L3MBTL4: variants seen among roughly 807,000 people sequenced by gnomAD.
L3MBTL4 encodes the protein L3MBTL histone methyl-lysine binding protein 4.
A neutral mutation model predicts 84.5 loss-of-function variants in L3MBTL4; 70 were observed. The ratio of observed to expected loss-of-function variants is 0.83; its 90% CI spans 0.68 to 1.01. The LOEUF (loss-of-function observed/expected upper bound fraction) is 1.01. L3MBTL4 is among the 50% of genes least tolerant of loss of function. L3MBTL4 has a pLI of 0.00. For missense variants in L3MBTL4, 715 were observed against 754.8 expected (o/e 0.95, Z 0.62); for synonymous variants, 274 against 259.8 (o/e 1.05, Z -0.52).
chr18:6,015,631 A>G (rs1490860066), intron 16 of L3MBTL4, among the ~76,000 whole-genome samples: 2 of 152,188 alleles, frequency 1.3e-5, no homozygotes, highest in Non-Finnish European at 2.9e-5. Flanking sequence ...AAAGAAATAA[A>G]CTATGGTGCT....
chr18:6,364,549 G>T (rs1009155532), intron 1 of L3MBTL4, among the ~76,000 whole-genome samples: 1 of 151,878 alleles, frequency 6.6e-6, no homozygotes, highest in Admixed American at 6.6e-5. Flanking sequence ...TGTTACCTCC[G>T]AAGTAAAAGA....
intron 18 of L3MBTL4, among the ~76,000 whole-genome samples, chr18:5,957,044 A>G (rs2095231250): frequency 6.6e-6 from 1 of 152,262 alleles, no homozygotes; most frequent in East Asian, 1.9e-4. Flanking sequence ...AAGTCTTTAC[A>G]CCAAATGTTA....
intron 16 of L3MBTL4, among the ~76,000 whole-genome samples, chr18:6,044,738 CA>C (rs1451568292): frequency 6.6e-6 from 1 of 152,078 alleles, no homozygotes; most frequent in Non-Finnish European, 1.5e-5. Context: ...GAATAAGCAC[CA>C]TGAAGCCTAG....
chr18:6,105,650 A>T lies in L3MBTL4; in HGVS notation c.1200-12122T>A, dbSNP rs552617606. Among the ~76,000 whole-genome samples, 381 of 151,976 alleles carry T rather than the reference A, an allele frequency of 2.5e-3. 1 individual carries two copies. Among genetic ancestry groups the T allele is most frequent in the African/African-American group, 8.7e-3 (363 of 41,526 alleles). On this transcript the variant is annotated intron_variant, in intron 14 of 18. Coordinates refer to ENST00000317931, the MANE Select transcript of L3MBTL4 (RefSeq NM_001330559.2). ...CCCGTCTCTACTAAAAATACAAAAA[A>T]TTAGCCAGGAGTGATGGCGGGTGCC...
At chr18:6,238,071 G>T (rs375519233) in intron 9 of L3MBTL4, 31 bp from the exon 10 acceptor site, 1 of 1,580,968 alleles carries the variant, frequency 6.3e-7, no homozygotes, top group Admixed American at 1.7e-5. Context: ...ATTACGTTCC[G>T]TTTTACTTCA....
At chr18:6,025,351 C>T (rs1458641675) in intron 16 of L3MBTL4, 3 of 152,208 alleles carry the variant, frequency 2.0e-5, no homozygotes, top group African/African-American at 7.2e-5. Flanking sequence ...ATCCACTGGC[C>T]CCAAACCCCA....
At chr18:6,211,265 T>A (rs1336026696) in intron 12 of L3MBTL4, among the ~76,000 whole-genome samples, 1 of 152,206 alleles carries the variant, frequency 6.6e-6, no homozygotes, top group Admixed American at 6.5e-5. Flanking sequence ...TATTTCTACA[T>A]ATTCAGACAA....
chr18:6,046,488 T>A (rs566553868), intron 16 of L3MBTL4, among the ~76,000 whole-genome samples: 47 of 152,236 alleles, frequency 3.1e-4, no homozygotes, highest in African/African-American at 1.1e-3. Context: ...CATTCCAAGA[T>A]AAACTACATG....
intron 1 of L3MBTL4, among the ~76,000 whole-genome samples, chr18:6,339,277 T>A (rs549496851): frequency 6.6e-6 from 1 of 152,274 alleles, no homozygotes; most frequent in South Asian, 2.1e-4. Flanking sequence ...TCAAAAAAGT[T>A]TAATTATAGT....
intron 13 of L3MBTL4, among the ~76,000 whole-genome samples, chr18:6,167,160 G>GAA (rs2043710628): frequency 6.6e-6 from 1 of 152,086 alleles, no homozygotes; most frequent in African/African-American, 2.4e-5. Flanking sequence ...ATCAATAACA[G>GAA]GCTCTGAAAT....
At chr18:5,974,589 G>GGGC (rs2052809316) in intron 16 of L3MBTL4, among the ~76,000 whole-genome samples, 1 of 152,184 alleles carries the variant, frequency 6.6e-6, no homozygotes, top group Admixed American at 6.5e-5. Context: ...GTGTGACCTA[G>GGGC]GGCTGCCTTT....
intron 12 of L3MBTL4, among the ~76,000 whole-genome samples, chr18:6,209,585 G>T (rs2046017994): frequency 6.6e-6 from 1 of 152,054 alleles, no homozygotes; most frequent in South Asian, 2.1e-4. Context: ...AAACATTTTG[G>T]CTTTTCCTCA....
intron 1 of L3MBTL4, among the ~76,000 whole-genome samples, chr18:6,316,384 T>C (rs1230307943): frequency 1.3e-5 from 2 of 151,870 alleles, no homozygotes; most frequent in Non-Finnish European, 2.9e-5. Context: ...GACAAAAGAG[T>C]CTGGATACCA....
At chr18:6,277,537 A>G (rs1244130384) in intron 4 of L3MBTL4, among the ~76,000 whole-genome samples, 4 of 152,184 alleles carry the variant, frequency 2.6e-5, no homozygotes, top group Non-Finnish European at 5.9e-5. Flanking sequence ...AGGCATAAAA[A>G]TATTTTATTC....
At chr18:5,999,452 C>T (rs1010666108) in intron 16 of L3MBTL4, among the ~76,000 whole-genome samples, 5 of 152,272 alleles carry the variant, frequency 3.3e-5, no homozygotes, top group East Asian at 1.9e-4. Context: ...CTTCTGAGCA[C>T]GCCCTACCTT....
intron 16 of L3MBTL4, among the ~76,000 whole-genome samples, chr18:6,057,630 GA>G (rs1215434955): frequency 6.6e-5 from 10 of 150,840 alleles, no homozygotes; most frequent in African/African-American, 1.9e-4. Flanking sequence ...AAAATGTGAA[GA>G]AAAAAATGCA....
intron 16 of L3MBTL4, among the ~76,000 whole-genome samples, chr18:6,038,317 A>C (rs1391978782): frequency 7.0e-6 from 1 of 142,486 alleles, no homozygotes; most frequent in East Asian, 2.1e-4. Flanking sequence ...GCAGTGATGC[A>C]ATCTCGGCTC....
chr18:6,367,000 C>T (rs1326207011), intron 1 of L3MBTL4, among the ~76,000 whole-genome samples: 1 of 152,168 alleles, frequency 6.6e-6, no homozygotes, highest in Non-Finnish European at 1.5e-5. Flanking sequence ...AAGCAGGGCA[C>T]AAAACACAAG....
intron 14 of L3MBTL4, among the ~76,000 whole-genome samples, chr18:6,112,116 G>A (rs2059214900): frequency 6.6e-6 from 1 of 152,090 alleles, no homozygotes; most frequent in South Asian, 2.1e-4. Flanking sequence ...TTAACTAGTA[G>A]AGATGCCCAC....
Sources: gnomAD v4.1 joint callset for allele counts (sites outside exome capture counted in the v4.1 genomes callset) on GRCh38, gnomAD v4.1.1 for gene constraint, MANE v1.5 for transcripts, NCBI Gene and HGNC (gene_info 2026-07-23, HGNC 2026-07-21) for gene names.